Variants in ZWINT observed in about 807,000 individuals in gnomAD.
ZWINT encodes ZW10 interacting kinetochore protein.
A neutral mutation model predicts 41.5 loss-of-function variants in ZWINT; 41 were observed. The ratio of observed to expected loss-of-function variants is 0.99; its 90% CI spans 0.77 to 1.28. ZWINT has a LOEUF of 1.28. Ranked by LOEUF, ZWINT falls within the 50% of genes most tolerant of loss-of-function variation. ZWINT has a pLI of 0.00. For synonymous variants in ZWINT, 132 were observed against 126.8 expected (o/e 1.04, Z -0.28); for missense variants, 369 against 329.7 (o/e 1.12, Z -0.92).
intron 2 of ZWINT, 39 bp downstream of exon 2, chr10:56,360,254 C>A (rs749194843): frequency 6.6e-5 from 107 of 1,610,540 alleles, no homozygotes; most frequent in Non-Finnish European, 8.7e-5. Flanking sequence ...CAGGACCAGA[C>A]CCTGGCTTCT....
At chr10:56,358,209 C>T in intron 8 of ZWINT, 24 bp from the exon 9 acceptor site, 1 of 781,338 alleles carries the variant, frequency 1.3e-6, no homozygotes, top group Non-Finnish European at 2.4e-6. Context: ...CAGGGGTTAG[C>T]TCTGGGTGGG....
rs753319648 is a variant in ZWINT at position 56,360,050 on chromosome 10, C to T, written c.224G>A (p.Gly75Asp). Residue 75 changes from glycine (G) to aspartate (D), a missense_variant, in exon 3 of 9, where the codon GGT (glycine) becomes GAT (aspartate). Gly to Asp is a moderately conservative substitution (Grantham distance 94). Coordinates refer to ENST00000373944, the MANE Select transcript of ZWINT (RefSeq NM_007057.4). ...NILAQEDTAKGLDPLASEDTS... is the reference protein window; with the variant it reads ...NILAQEDTAKDLDPLASEDTS... Reference sequence around the variant, plus strand: ...GTCTTCAGAAGCCAAGGGGTCGAGACCCTTAGCAGTGTCCTCCTGAGCCAG... The same window carrying T: ...GTCTTCAGAAGCCAAGGGGTCGAGATCCTTAGCAGTGTCCTCCTGAGCCAG... The T allele has an allele frequency of 6.2e-7, 1 of 1,614,110 alleles. No homozygotes were observed. The highest frequency in any genetic ancestry group is 8.5e-7 in the Non-Finnish European group (1 of 1,180,036).
chr10:56,359,188 G>A (rs541979989), intron 5 of ZWINT, among the ~76,000 whole-genome samples: 4 of 152,312 alleles, frequency 2.6e-5, no homozygotes, highest in Admixed American at 2.6e-4. Context: ...AACTTGCTAT[G>A]TGCCAGGTAC....
Position 56,360,296 on chromosome 10 carries a change from C to T in ZWINT, c.129G>A (p.Val43=). Residue 43 remains valine (V), a synonymous_variant, in exon 2 of 9, where the codon GTG becomes GTA. Coordinates refer to ENST00000373944, the MANE Select transcript of ZWINT (RefSeq NM_007057.4). ...ELPAKILVEF[V]VDSQKKDKLL... ...CTCGCTCTCATCTTGTACATACCAC[C>T]ACAAACTCAACCAGGATCTTGGCTG... 2.5e-6 allele frequency: 4 copies of T among 1,614,144 alleles called. No individual in the cohort carries two copies. The highest frequency in any genetic ancestry group is 2.2e-5 in the East Asian group (1 of 44,874).
At chr10:56,360,988 G>A (rs947238909) in intron 1 of ZWINT, among the ~76,000 whole-genome samples, 2 of 152,126 alleles carry the variant, frequency 1.3e-5, no homozygotes, top group Admixed American at 6.5e-5. Flanking sequence ...TGGATGTGGG[G>A]AGCGGCGAAC....
chr10:56,361,093 C>G lies in ZWINT; in HGVS notation c.41+103G>C, dbSNP rs538142539. ...AGGATCACTTCACGGCAGGGTCGAA[C>G]CTCAACAGCTGTACAGGGTCGAGGG... On this transcript the variant is annotated intron_variant, in intron 1 of 8. Transcript: ENST00000373944. The G allele has an allele frequency of 1.1e-4, 146 of 1,353,332 alleles. 1 individual carries two copies. In the South Asian group the frequency reaches 1.7e-3, roughly 16 times the overall value. The allele number at this position is 1,353,332 out of a possible 1,614,324, so 83.8% of individuals were successfully genotyped here. A position where few individuals can be genotyped will look rare whatever the true frequency, so the allele number is the denominator to read the frequency against.
chr10:56,359,711 T>G lies in ZWINT; in HGVS notation c.399A>C (p.Glu133Asp). 1 of 1,614,198 alleles carries G rather than the reference T, an allele frequency of 6.2e-7. No homozygotes were observed. The highest frequency in any genetic ancestry group is 8.5e-7 in the Non-Finnish European group (1 of 1,180,030). Reference sequence around the variant, plus strand: ...CCTTGGCCTGGAGCTGCTCAAAGGCTTCCCGGAGTTGTGTCCGTTTCCTCT... The same window carrying G: ...CCTTGGCCTGGAGCTGCTCAAAGGCGTCCCGGAGTTGTGTCCGTTTCCTCT... ...EAQRKRTQLR[E>D]AFEQLQAKKQ... is the part of the protein sequence containing the mutation. Residue 133 changes from glutamate (E) to aspartate (D), a missense_variant, in exon 4 of 9, where the codon GAA becomes GAC. Physicochemically the swap from Glu to Asp is conservative, Grantham distance 45. Transcript: ENST00000373944.
rs2393069 is a variant in ZWINT at position 56,359,144 on chromosome 10, C to G, written c.481-197G>C. Among the ~76,000 whole-genome samples, 105,760 of 152,066 alleles carry G rather than the reference C, an allele frequency of 0.7. 37,387 individuals carry two copies. The highest frequency in any genetic ancestry group is 0.83 in the East Asian group (4,287 of 5,164). ...GCTGTTCTAGGGTGAGGCATTCTTG[C>G]GGGGAAGGGGCACAAAGGTGATAAC... On this transcript the variant is annotated intron_variant, in intron 5 of 8. Coordinates refer to ENST00000373944, the MANE Select transcript of ZWINT (RefSeq NM_007057.4).
chr10:56,358,556 C>T lies in ZWINT; in HGVS notation c.792G>A (p.Lys264=). The T allele has an allele frequency of 2.5e-6, 4 of 1,614,044 alleles. No individual in the cohort carries two copies. Among genetic ancestry groups the T allele is most frequent in the Non-Finnish European group, 3.4e-6 (4 of 1,179,994 alleles). Residue 264 remains lysine (K), a splice_region_variant and synonymous_variant, in exon 7 of 9, where the codon AAG becomes AAA. Coordinates refer to ENST00000373944, the MANE Select transcript of ZWINT (RefSeq NM_007057.4). ...CCCACCTGTTCCATCTCTCATTTAC[C>T]TTGAAGGACACACCAGGGTCTCTCC... ...TMGRDPGVSF[K]AVGLQPAGDV... is the part of the protein sequence containing the mutation.
At chr10:56,359,887 G>A (rs373422392) in intron 3 of ZWINT, 34 bp from the exon 4 acceptor site, 21 of 1,609,386 alleles carry the variant, frequency 1.3e-5, no homozygotes, top group Admixed American at 1.7e-5. Flanking sequence ...GTACATGAGT[G>A]AGGGTGGCCT....
intron 1 of ZWINT, 104 bp from the exon 2 acceptor site, chr10:56,360,487 A>G (rs907099182): frequency 3.2e-6 from 3 of 924,384 alleles, no homozygotes; most frequent in Admixed American, 2.5e-5. Flanking sequence ...CAGTATATAT[A>G]GTATTGAGAG....
Position 56,360,212 on chromosome 10 carries a change from C to A in ZWINT, c.133-71G>T, listed in dbSNP as rs571216980. On this transcript the variant is annotated intron_variant, in intron 2 of 8. Transcript: ENST00000373944. Reference sequence around the variant, plus strand: ...CAGGTTTCCTTAAGTCTGCTCTCTGCCAGTGCTGCCCTGTATCTCAGTAAG... The same window carrying A: ...CAGGTTTCCTTAAGTCTGCTCTCTGACAGTGCTGCCCTGTATCTCAGTAAG... 15 of 1,610,636 alleles carry A rather than the reference C, an allele frequency of 9.3e-6. No homozygotes were observed. In the South Asian group the frequency reaches 1.3e-4, roughly 14 times the overall value.
At chr10:56,359,407 G>A (rs1838261221) in intron 5 of ZWINT, 69 bp downstream of exon 5, 1 of 1,440,818 alleles carries the variant, frequency 6.9e-7, no homozygotes. Context: ...CGGTTTTCTA[G>A]ACAGGGGACA....
rs777280698 is a variant in ZWINT at position 56,358,141 on chromosome 10, A to T, written c.*86T>A. On this transcript the variant is annotated 3_prime_UTR_variant, in exon 9 of 9. Transcript: ENST00000373944. ...AATCAAGCTGAACTCAGGAGTTCACAGTCTTTCCTGTAATGATGGTTGGGA... is the reference window on the plus strand; with the variant it reads ...AATCAAGCTGAACTCAGGAGTTCACTGTCTTTCCTGTAATGATGGTTGGGA... 1.4e-5 allele frequency: 10 copies of T among 707,732 alleles called. No homozygotes were observed. Among genetic ancestry groups the T allele is most frequent in the Admixed American group, 1.2e-4 (7 of 56,784 alleles). 43.8% of individuals were successfully genotyped at this position (707,732 alleles called of 1,614,324 possible). A position where few individuals can be genotyped will look rare whatever the true frequency, so the allele number is the denominator to read the frequency against.
chr10:56,360,202 C>G, intron 2 of ZWINT, 61 bp from the exon 3 acceptor site: 10 of 1,611,802 alleles, frequency 6.2e-6, no homozygotes, highest in Non-Finnish European at 8.5e-6. Flanking sequence ...TTCCTTAAGT[C>G]TGCTCTCTGC....
Position 56,360,313 on chromosome 10 carries a change from T to C in ZWINT, c.112A>G (p.Ile38Val). ...CATACCACCACAAACTCAACCAGGA[T>C]CTTGGCTGGCAGTTCTGCCTCCTCC... The part of the protein sequence containing the change: ...LQEEAELPAK[I>V]LVEFVVDSQK... Residue 38 changes from isoleucine (I) to valine (V), a missense_variant, in exon 2 of 9, where the codon ATC becomes GTC. Physicochemically the swap from Ile to Val is conservative, Grantham distance 29. Coordinates refer to ENST00000373944, the MANE Select transcript of ZWINT (RefSeq NM_007057.4). The C allele has an allele frequency of 6.2e-7, 1 of 1,614,126 alleles. No individual in the cohort carries two copies. Among genetic ancestry groups the C allele is most frequent in the African/African-American group, 1.3e-5 (1 of 75,038 alleles).
chr10:56,360,209 C>T, intron 2 of ZWINT, 68 bp from the exon 3 acceptor site: 1 of 1,611,164 alleles, frequency 6.2e-7, no homozygotes, highest in Middle Eastern at 1.7e-4. Flanking sequence ...AGTCTGCTCT[C>T]TGCCAGTGCT....
rs1186322459 is a variant in ZWINT, at chr10:56,357,574, G to A, written c.*653C>T. 1 of 153,822 alleles carries A rather than the reference G, an allele frequency of 6.5e-6. No homozygotes were observed. The highest frequency in any genetic ancestry group is 1.4e-5 in the Non-Finnish European group (1 of 69,104). 9.5% of individuals were successfully genotyped at this position (153,822 alleles called of 1,614,324 possible). On this transcript the variant is annotated 3_prime_UTR_variant, in exon 9 of 9. Transcript: ENST00000373944. ...GAAAACAGAAAGTGGGAAAGATCAAGGTATCACTAGAGGTCAATGAAACAA... is the reference window on the plus strand; with the variant it reads ...GAAAACAGAAAGTGGGAAAGATCAAAGTATCACTAGAGGTCAATGAAACAA...
rs1332340503 is a variant in ZWINT at position 56,358,845 on chromosome 10, G to A, written c.583C>T (p.Leu195=). The A allele has an allele frequency of 6.2e-7, 1 of 1,614,050 alleles. No individual in the cohort carries two copies. Among genetic ancestry groups the A allele is most frequent in the East Asian group, 2.2e-5 (1 of 44,862 alleles). ...LDRVFQKLGN[L]KQQAEQERDK... Reference sequence around the variant, plus strand: ...CGCTCCTGTTCTGCCTGCTGCTTCAGGTTTCCAAGTTTCTGAAACACCCTG... The same window carrying A: ...CGCTCCTGTTCTGCCTGCTGCTTCAAGTTTCCAAGTTTCTGAAACACCCTG... Residue 195 remains leucine, a synonymous_variant, in exon 6 of 9, where the codon CTG becomes TTG. Coordinates refer to ENST00000373944, the MANE Select transcript of ZWINT (RefSeq NM_007057.4).
Sources: allele counts gnomAD v4.1 joint callset (sites outside exome capture counted in the v4.1 genomes callset), GRCh38; gene constraint gnomAD v4.1.1; transcripts MANE v1.5; gene names NCBI Gene and HGNC (gene_info 2026-07-23, HGNC 2026-07-21).